ADAM22: variants seen among roughly 807,000 people sequenced by gnomAD.
ADAM22 encodes the protein disintegrin and metalloproteinase domain-containing protein 22.
A neutral mutation model predicts 144.6 loss-of-function variants in ADAM22; 65 were observed. The observed-to-expected ratio is 0.45, with a 90% CI of 0.37 to 0.55. The LOEUF (loss-of-function observed/expected upper bound fraction) is 0.55. Ranked by LOEUF, ADAM22 falls within the 20% of genes least tolerant of loss-of-function variation. The probability of loss-of-function intolerance (pLI) is 0.00; values close to 1 mark genes in which losing one functional copy is unlikely to be tolerated. For missense variants in ADAM22, 974 were observed against 1,184.9 expected (o/e 0.82, Z 2.61); for synonymous variants, 391 against 412.6 (o/e 0.95, Z 0.63).
At chr7:88,170,601 C>CA in intron 25 of ADAM22, among the ~76,000 whole-genome samples, 1 of 151,688 alleles carries the variant, frequency 6.6e-6, no homozygotes, top group South Asian at 2.1e-4. Context: ...AAAATAATAA[C>CA]AAATTGGCAC....
At chr7:88,065,551 G>A (rs189133856) in intron 3 of ADAM22, among the ~76,000 whole-genome samples, 371 of 152,004 alleles carry the variant, frequency 2.4e-3, no homozygotes, top group African/African-American at 8.5e-3. Flanking sequence ...CACTGCTAGC[G>A]TCTTCATAAT....
At chr7:88,094,026 G>A (rs1041642360) in intron 4 of ADAM22, among the ~76,000 whole-genome samples, 2 of 152,154 alleles carry the variant, frequency 1.3e-5, no homozygotes, top group Non-Finnish European at 1.5e-5. Context: ...TACTCAATGT[G>A]TGTTCTCAAC....
At chr7:88,132,673 G>T in intron 11 of ADAM22, 194 bp from the exon 12 acceptor site, 1 of 437,048 alleles carries the variant, frequency 2.3e-6, no homozygotes, top group Admixed American at 3.8e-5. Flanking sequence ...TATTAATCTT[G>T]CAAGAAAACA....
intron 2 of ADAM22, among the ~76,000 whole-genome samples, chr7:87,966,505 G>A (rs1584675859): frequency 6.6e-6 from 1 of 152,124 alleles, no homozygotes; most frequent in African/African-American, 2.4e-5. Context: ...TAATGAGGCT[G>A]CCTGACTTCC....
intron 3 of ADAM22, among the ~76,000 whole-genome samples, chr7:88,019,645 T>A (rs1210275765): frequency 6.6e-6 from 1 of 152,032 alleles, no homozygotes; most frequent in Non-Finnish European, 1.5e-5. Context: ...GTCAGGAGTT[T>A]GAGACCAGCT....
At chr7:87,969,787 C>T (rs534687119) in intron 2 of ADAM22, among the ~76,000 whole-genome samples, 1 of 152,280 alleles carries the variant, frequency 6.6e-6, no homozygotes, top group Admixed American at 6.5e-5. Context: ...TGTTGCCAGG[C>T]ACTGTTCTAC....
chr7:88,187,425 A>C (rs1229115320), intron 30 of ADAM22, among the ~76,000 whole-genome samples: 2 of 152,238 alleles, frequency 1.3e-5, no homozygotes, highest in African/African-American at 4.8e-5. Flanking sequence ...TGACTCACAA[A>C]ATAGAAGAAT....
chr7:87,979,389 G>A (rs1237381100), intron 3 of ADAM22, among the ~76,000 whole-genome samples: 3 of 152,112 alleles, frequency 2.0e-5, no homozygotes, highest in African/African-American at 7.2e-5. Flanking sequence ...CTGTTCTTCA[G>A]TTGCATTAGC....
chr7:88,025,800 T>C (rs1386197351), intron 3 of ADAM22, among the ~76,000 whole-genome samples: 2 of 152,224 alleles, frequency 1.3e-5, no homozygotes, highest in Non-Finnish European at 2.9e-5. Context: ...ACAGGTAATA[T>C]GATTTCTTCA....
At chr7:88,139,628 G>A (rs569549455) in intron 14 of ADAM22, among the ~76,000 whole-genome samples, 3 of 152,168 alleles carry the variant, frequency 2.0e-5, no homozygotes, top group African/African-American at 7.2e-5. Context: ...GTCACTTACT[G>A]GGTATCAACT....
intron 2 of ADAM22, among the ~76,000 whole-genome samples, chr7:87,969,643 A>G (rs1849960627): frequency 6.6e-6 from 1 of 152,226 alleles, no homozygotes; most frequent in Non-Finnish European, 1.5e-5. Flanking sequence ...CAGTTCAGAA[A>G]CATGAAACAA....
chr7:87,995,383 A>G (rs1159284048), intron 3 of ADAM22, among the ~76,000 whole-genome samples: 1 of 152,212 alleles, frequency 6.6e-6, no homozygotes, highest in East Asian at 1.9e-4. Context: ...TATCCCAGCC[A>G]TGCAAAGTTA....
chr7:88,022,486 T>G (rs1798057816), intron 3 of ADAM22, among the ~76,000 whole-genome samples: 2 of 152,204 alleles, frequency 1.3e-5, no homozygotes, highest in South Asian at 4.1e-4. Context: ...TCAGATTGTT[T>G]CAATTGGATT....
Position 88,165,830 on chromosome 7 carries a change from A to G in ADAM22, c.2077-2A>G. 6.3e-7 allele frequency: 1 copy of G among 1,594,270 alleles called. No individual in the cohort carries two copies. The highest frequency in any genetic ancestry group is 8.5e-7 in the Non-Finnish European group (1 of 1,170,900). Reference sequence around the variant, plus strand: ...TTACTCTAGCTTGATTTTGGATCTCAGGTTTGCAGTAATGAGCTGAAGTGT... The same window carrying G: ...TTACTCTAGCTTGATTTTGGATCTCGGGTTTGCAGTAATGAGCTGAAGTGT... On this transcript the variant is annotated splice_acceptor_variant, in intron 23 of 31. Transcript: ENST00000413139. LOFTEE classifies it high-confidence loss of function.
At chr7:88,001,368 A>G (rs1792508533) in intron 3 of ADAM22, among the ~76,000 whole-genome samples, 1 of 152,202 alleles carries the variant, frequency 6.6e-6, no homozygotes, top group African/African-American at 2.4e-5. Context: ...GTTTGTGTTA[A>G]GCATTTTCAT....
At chr7:88,052,369 C>T (rs1244785672) in intron 3 of ADAM22, among the ~76,000 whole-genome samples, 4 of 150,086 alleles carry the variant, frequency 2.7e-5, no homozygotes, top group Non-Finnish European at 5.9e-5. Flanking sequence ...ATTAGCCTGG[C>T]GTGGTGGCGG....
chr7:87,958,319 A>C (rs1847257418), intron 2 of ADAM22, among the ~76,000 whole-genome samples: 2 of 152,248 alleles, frequency 1.3e-5, no homozygotes, highest in African/African-American at 4.8e-5. Context: ...ATGCGAATTT[A>C]TGTATAGTCT....
intron 3 of ADAM22, among the ~76,000 whole-genome samples, chr7:87,979,816 G>A (rs1584783246): frequency 1.3e-5 from 2 of 152,110 alleles, no homozygotes; most frequent in African/African-American, 4.8e-5. Context: ...GAAGATAAAT[G>A]TTTGAGACTA....
At chr7:88,007,942 T>C (rs990608569) in intron 3 of ADAM22, among the ~76,000 whole-genome samples, 5 of 152,104 alleles carry the variant, frequency 3.3e-5, no homozygotes, top group South Asian at 2.1e-4. Flanking sequence ...CAAAAGAAAC[T>C]ATCATCAGAG....
Sources: allele counts gnomAD v4.1 joint callset (sites outside exome capture counted in the v4.1 genomes callset), GRCh38; gene constraint gnomAD v4.1.1; transcripts MANE v1.5; gene names NCBI Gene and HGNC (gene_info 2026-07-23, HGNC 2026-07-21).